The following ZNF483 variants were observed in gnomAD, a reference collection of about 807,000 sequenced individuals.
ZNF483 encodes zinc finger protein HIT-10.
A neutral mutation model predicts 28.6 loss-of-function variants in ZNF483; 9 were observed. The observed-to-expected ratio is 0.32, with a 90% CI of 0.19 to 0.55. ZNF483 has a LOEUF of 0.55. Ranked by LOEUF, ZNF483 falls within the 20% of genes least tolerant of loss-of-function variation. The probability of loss-of-function intolerance (pLI) is 0.93; values close to 1 mark genes in which losing one functional copy is unlikely to be tolerated. For missense variants in ZNF483, 675 were observed against 871.7 expected, an observed-to-expected ratio of 0.77 and a Z score of 2.84; for synonymous variants, 322 against 306.2, an observed-to-expected ratio of 1.05 and a Z score of -0.54.
At chr9:111,560,945 AT>A (rs1828269296) in intron 5 of ZNF483, among the ~76,000 whole-genome samples, 1 of 8,682 alleles carries the variant, frequency 1.2e-4, no homozygotes, top group South Asian at 6.3e-3. Context: ...TCCATCTAAA[AT>A]ATATATATAT....
At chr9:111,570,499 G>A (rs1004169011) in intron 5 of ZNF483, among the ~76,000 whole-genome samples, 13 of 152,028 alleles carry the variant, frequency 8.6e-5, no homozygotes, top group African/African-American at 2.4e-4. Flanking sequence ...GGGGTGGCGC[G>A]GTGGCTCACA....
chr9:111,559,611 T>C (rs1299204407), downstream of ZNF483, among the ~76,000 whole-genome samples: 1 of 150,830 alleles, frequency 6.6e-6, no homozygotes, highest in African/African-American at 2.5e-5. Context: ...CACACACACA[T>C]ATACAACATA....
Position 111,551,281 on chromosome 9 carries a change from C to G in ZNF483, c.*8111C>G, listed in dbSNP as rs574640678. 2.0e-5 allele frequency among the ~76,000 whole-genome samples: 3 copies of G among 151,624 alleles called. No individual in the cohort carries two copies. The highest frequency in any genetic ancestry group is 2.0e-4 in the Admixed American group (3 of 15,216). On this transcript the variant is annotated 3_prime_UTR_variant, in exon 6 of 6. Transcript: ENST00000309235. ...ATTTTCATTTGTAATACATAACTCA[C>G]ATTTAGATTTATAAAACGTAGAGTT...
At chr9:111,527,164 G>A (rs962380207) in intron 1 of ZNF483, 104 bp from the exon 2 acceptor site, 1 of 388,304 alleles carries the variant, frequency 2.6e-6, no homozygotes, top group African/African-American at 2.0e-5. Flanking sequence ...GCCTTTGCTG[G>A]TATGTGTGTG....
chr9:111,549,998 T>C lies in ZNF483; in HGVS notation c.*6828T>C, dbSNP rs1224359791. Among the ~76,000 whole-genome samples, 1 of 152,216 alleles carries C rather than the reference T, an allele frequency of 6.6e-6. No individual in the cohort carries two copies. Among genetic ancestry groups the C allele is most frequent in the African/African-American group, 2.4e-5 (1 of 41,454 alleles). ...ACAGCTAGACATTTGAATTTTATAATGTGGCAACTCTGGAAATAAGATTAT... is the reference window on the plus strand; with the variant it reads ...ACAGCTAGACATTTGAATTTTATAACGTGGCAACTCTGGAAATAAGATTAT... On this transcript the variant is annotated 3_prime_UTR_variant, in exon 6 of 6. Transcript: ENST00000309235.
chr9:111,531,688 T>G (rs1275093252), intron 3 of ZNF483, among the ~76,000 whole-genome samples: 1 of 152,146 alleles, frequency 6.6e-6, no homozygotes, highest in Admixed American at 6.5e-5. Flanking sequence ...GCTTTTTTTC[T>G]TTTTAAGAGA....
downstream of ZNF483, among the ~76,000 whole-genome samples, chr9:111,558,704 GCA>G (rs970325932): frequency 2.6e-5 from 4 of 151,936 alleles, no homozygotes; most frequent in South Asian, 2.1e-4. Flanking sequence ...ATATATATGT[GCA>G]CACACACTCA....
In ZNF483 at chr9:111,565,675, C is replaced by G. The variant is rs979161005; in HGVS notation, c.722-10690C>G. ...AGTAGCTGGGACTACAGGTGTGCAC[C>G]ACTGCACCCAGCTAATTTTTTAACT... On this transcript the variant is annotated intron_variant, in intron 5 of 5. Coordinates refer to the ZNF483 transcript ENST00000358151. Among the ~76,000 whole-genome samples the G allele has an allele frequency of 2.0e-5, 3 of 152,028 alleles. No individual in the cohort carries two copies. In the East Asian group the frequency reaches 5.8e-4, roughly 29 times the overall value.
chr9:111,560,531 C>T (rs1218703390), intron 5 of ZNF483, among the ~76,000 whole-genome samples: 7 of 142,784 alleles, frequency 4.9e-5, no homozygotes, highest in African/African-American at 1.8e-4. Context: ...ATCTCAGCTA[C>T]TTGGGAGGCT....
At chr9:111,531,255 A>G (rs10817184) in intron 3 of ZNF483, among the ~76,000 whole-genome samples, 22,254 of 152,196 alleles carry the variant, frequency 0.15, 2,085 homozygotes, top group East Asian at 0.26. Context: ...CATTTTCCAC[A>G]TGCAATTTTG....
rs951653909 is a variant in ZNF483, at chr9:111,552,027, C to A, written c.*8857C>A. ...GAAATGTTTCTATTGTAAATAAATT[C>A]TTTTACCTGTCTAGCCAGGTCACAA... is the stretch of plus-strand genomic sequence containing the variant. On this transcript the variant is annotated 3_prime_UTR_variant, in exon 6 of 6. Coordinates refer to ENST00000309235, the MANE Select transcript of ZNF483 (RefSeq NM_133464.5). 2.6e-5 allele frequency among the ~76,000 whole-genome samples: 4 copies of A among 152,102 alleles called. No individual in the cohort carries two copies. The highest frequency in any genetic ancestry group is 2.1e-4 in the South Asian group (1 of 4,832).
rs1564591312 is a variant in ZNF483 at position 111,530,816 on chromosome 9, A to ATAT, written c.413-59_413-58insTAT. The ATAT allele has an allele frequency of 1.8e-4, 33 of 181,978 alleles. 1 individual carries two copies. Among genetic ancestry groups the ATAT allele is most frequent in the African/African-American group, 3.6e-4 (10 of 27,946 alleles). 11.3% of individuals were successfully genotyped at this position (181,978 alleles called of 1,614,324 possible). A position where few individuals can be genotyped will look rare whatever the true frequency, so the allele number is the denominator to read the frequency against. Reference sequence around the variant, plus strand: ...ATATATATATACATATATATATATAAGATTTTTAGTCTGAGGAATCTGTAT... The same window carrying ATAT: ...ATATATATATACATATATATATATAATATGATTTTTAGTCTGAGGAATCTGTAT... On this transcript the variant is annotated intron_variant, in intron 2 of 5. Coordinates refer to ENST00000309235, the MANE Select transcript of ZNF483 (RefSeq NM_133464.5).
chr9:111,552,244 C>T lies in ZNF483; in HGVS notation c.*9074C>T, dbSNP rs1022389763. On this transcript the variant is annotated 3_prime_UTR_variant, in exon 6 of 6. Coordinates refer to ENST00000309235, the MANE Select transcript of ZNF483 (RefSeq NM_133464.5). ...TTATAAAATTCTTTTGTAAGTCATC[C>T]AGGTAACATTGGTAAAGAAACAAGA... Among the ~76,000 whole-genome samples, 1 of 152,022 alleles carries T rather than the reference C, an allele frequency of 6.6e-6. No homozygotes were observed. The highest frequency in any genetic ancestry group is 2.4e-5 in the African/African-American group (1 of 41,386).
chr9:111,574,983 T>C, intron 5 of ZNF483: 1 of 636,062 alleles, frequency 1.6e-6, no homozygotes, highest in Non-Finnish European at 2.6e-6. Flanking sequence ...TGCAGAAGAC[T>C]GCAGTTAGAA....
chr9:111,549,920 C>G lies in ZNF483; in HGVS notation c.*6750C>G. ...CCATTTTTTGTTGGTTTATTTTGTGCCTTTGAATGGTCAATACTTGTTTCT... is the reference window on the plus strand; with the variant it reads ...CCATTTTTTGTTGGTTTATTTTGTGGCTTTGAATGGTCAATACTTGTTTCT... On this transcript the variant is annotated 3_prime_UTR_variant, in exon 6 of 6. Transcript: ENST00000309235. 3.1e-6 allele frequency: 2 copies of G among 646,022 alleles called. No homozygotes were observed. Among genetic ancestry groups the G allele is most frequent in the Non-Finnish European group, 5.4e-6 (2 of 371,582 alleles). 40.0% of individuals were successfully genotyped at this position (646,022 alleles called of 1,614,324 possible).
At chr9:111,538,846 G>A (rs75908709) in intron 5 of ZNF483, among the ~76,000 whole-genome samples, 5,471 of 152,066 alleles carry the variant, frequency 0.036, 225 homozygotes, top group East Asian at 0.17. Context: ...AGGTGTGGTG[G>A]CTCACCTGTA....
intron 5 of ZNF483, chr9:111,563,509 CTTTTT>C: frequency 5.5e-6 from 1 of 182,690 alleles, no homozygotes; most frequent in South Asian, 1.4e-4. Context: ...CTTTTTCTTT[CTTTTT>C]TTTTTTTTTG....
chr9:111,533,720 G>A lies in ZNF483; in HGVS notation c.502-19G>A. On this transcript the variant is annotated intron_variant, in intron 3 of 5. Coordinates refer to ENST00000309235, the MANE Select transcript of ZNF483 (RefSeq NM_133464.5). ...TATTTGGGAATAATCCAATACAAAA[G>A]AGCTGTTTGGTGTTCTAGGAATCTA... 6.5e-7 allele frequency: 1 copy of A among 1,542,132 alleles called. No homozygotes were observed. Among genetic ancestry groups the A allele is most frequent in the Non-Finnish European group, 8.7e-7 (1 of 1,155,624 alleles).
chr9:111,557,857 A>G (rs1393702490), downstream of ZNF483, among the ~76,000 whole-genome samples: 1 of 152,202 alleles, frequency 6.6e-6, no homozygotes, highest in Non-Finnish European at 1.5e-5. Flanking sequence ...TGTTAAAACT[A>G]TGGAAGTAGG....
Sources: allele counts gnomAD v4.1 joint callset (sites outside exome capture counted in the v4.1 genomes callset), GRCh38; gene constraint gnomAD v4.1.1; transcripts MANE v1.5; gene names NCBI Gene and HGNC (gene_info 2026-07-23, HGNC 2026-07-21).